Variants in SSTR4 observed in about 807,000 individuals in gnomAD.
SSTR4 encodes somatostatin receptor 4, also known as somatostatin receptor type 4.
For synonymous variants in SSTR4, 272 were observed against 246.3 expected (o/e 1.10, Z -0.98); for missense variants, 649 against 540.6 (o/e 1.20, Z -1.99).
At position 23,036,021 on chromosome 20, in the gene SSTR4, C is replaced by A. The variant is rs1356689634; in HGVS notation, c.538C>A (p.Pro180Thr). The A allele has an allele frequency of 6.3e-7, 1 of 1,592,222 alleles. No individual in the cohort carries two copies. The highest frequency in any genetic ancestry group is 8.5e-7 in the Non-Finnish European group (1 of 1,173,944). ...GCTGGCATCCCTGTTGGTCACTCTCCCCATCGCCATCTTCGCAGACACCAG... is the reference window on the plus strand; with the variant it reads ...GCTGGCATCCCTGTTGGTCACTCTCACCATCGCCATCTTCGCAGACACCAG... ...VWLASLLVTLPIAIFADTRPA... is the reference protein window; with the variant it reads ...VWLASLLVTLTIAIFADTRPA... The change falls in exon 1 of 1, where the codon CCC becomes ACC. Residue 180 changes from proline (P) to threonine (T), a missense_variant. Coordinates refer to ENST00000255008, the MANE Select transcript of SSTR4 (RefSeq NM_001052.4).
rs2235953 is a variant in SSTR4 at position 23,039,087 on chromosome 20, T to C, written c.*2437T>C. On this transcript the variant is annotated 3_prime_UTR_variant, in exon 1 of 1. Transcript: ENST00000255008. ...TACAGAAGACTGCAATGAATTGAAGTCATGAGACATACAGCCAGGATCCTG... is the reference window on the plus strand; with the variant it reads ...TACAGAAGACTGCAATGAATTGAAGCCATGAGACATACAGCCAGGATCCTG... 0.097 allele frequency: 14,839 copies of C among 152,208 alleles called. 852 individuals carry two copies. The highest frequency in any genetic ancestry group is 0.29 in the East Asian group (1,493 of 5,170). 9.4% of individuals were successfully genotyped at this position (152,208 alleles called of 1,614,324 possible).
rs1423836821 is a variant in SSTR4, at chr20:23,035,459, C to G, written c.-25C>G. On this transcript the variant is annotated 5_prime_UTR_variant, in exon 1 of 1. Transcript: ENST00000255008. The stretch of plus-strand genomic sequence containing the variant: ...GCAGCGCTAGCTCCGCCGCGCTCAG[C>G]TGCCCTGCGCCGGCACCCCTGGTCA... The G allele has an allele frequency of 7.0e-7, 1 of 1,420,746 alleles. No individual in the cohort carries two copies. The allele number at this position is 1,420,746 out of a possible 1,614,324, so 88.0% of individuals were successfully genotyped here.
At position 23,036,726 on chromosome 20, in the gene SSTR4, A is replaced by G; in HGVS notation, c.*76A>G. ...CCATTCCTACAGCCCCGAAGACTGC[A>G]TCTCCTGAATGCTCACCTAAGCTCC... On this transcript the variant is annotated 3_prime_UTR_variant, in exon 1 of 1. Coordinates refer to ENST00000255008, the MANE Select transcript of SSTR4 (RefSeq NM_001052.4). 5 of 1,461,396 alleles carry G rather than the reference A, an allele frequency of 3.4e-6. No homozygotes were observed. The highest frequency in any genetic ancestry group is 2.7e-5 in the South Asian group (2 of 73,654). 90.5% of individuals were successfully genotyped at this position (1,461,396 alleles called of 1,614,324 possible). A position where few individuals can be genotyped will look rare whatever the true frequency, so the allele number is the denominator to read the frequency against.
rs148709856 is a variant in SSTR4, at chr20:23,037,630, G to A, written c.*980G>A. Among the ~76,000 whole-genome samples the A allele has an allele frequency of 2.6e-5, 4 of 152,162 alleles. No individual in the cohort carries two copies. Among genetic ancestry groups the A allele is most frequent in the African/African-American group, 7.2e-5 (3 of 41,432 alleles). On this transcript the variant is annotated 3_prime_UTR_variant, in exon 1 of 1. Transcript: ENST00000255008. ...TGTAAGTTGAACACAATAAAAGGCC[G>A]TATCTTTGTTGCCTGATGTGTTAAC...
In SSTR4 at chr20:23,037,677, C is replaced by G. The variant is rs34014809; in HGVS notation, c.*1027C>G. Among the ~76,000 whole-genome samples the G allele has an allele frequency of 1.3e-5, 2 of 152,158 alleles. No individual in the cohort carries two copies. Among genetic ancestry groups the G allele is most frequent in the Admixed American group, 6.5e-5 (1 of 15,280 alleles). ...TAACCAAAGGATAAATTATCTTTCC[C>G]AAAGGGAAAGAGCTTAAGAGGAGCT... On this transcript the variant is annotated 3_prime_UTR_variant, in exon 1 of 1. Transcript: ENST00000255008.
Position 23,036,737 on chromosome 20 carries a change from G to A in SSTR4, c.*87G>A. 2.1e-6 allele frequency: 3 copies of A among 1,407,664 alleles called. No homozygotes were observed. The highest frequency in any genetic ancestry group is 2.9e-6 in the Non-Finnish European group (3 of 1,039,750). The allele number at this position is 1,407,664 out of a possible 1,614,324, so 87.2% of individuals were successfully genotyped here. Reference sequence around the variant, plus strand: ...GCCCCGAAGACTGCATCTCCTGAATGCTCACCTAAGCTCCACCACCTGTTC... The same window carrying A: ...GCCCCGAAGACTGCATCTCCTGAATACTCACCTAAGCTCCACCACCTGTTC... On this transcript the variant is annotated 3_prime_UTR_variant, in exon 1 of 1. Coordinates refer to ENST00000255008, the MANE Select transcript of SSTR4 (RefSeq NM_001052.4).
rs1341488310 is a variant in SSTR4, at chr20:23,035,538, T to G, written c.55T>G (p.Trp19Gly). The G allele has an allele frequency of 6.3e-7, 1 of 1,592,612 alleles. No homozygotes were observed. The highest frequency in any genetic ancestry group is 8.5e-7 in the Non-Finnish European group (1 of 1,172,294). ...PGGEEGLGTA[W>G]PSAANASSAP... is the part of the protein sequence containing the mutation. ...GGGCGAGGAAGGGCTGGGGACGGCC[T>G]GGCCCTCTGCAGCCAATGCCAGTAG... is the stretch of plus-strand genomic sequence containing the variant. Residue 19 changes from tryptophan to glycine, a missense_variant, in exon 1 of 1, where the codon TGG becomes GGG. Transcript: ENST00000255008.
In SSTR4 at chr20:23,037,103, A is replaced by C. The variant is rs1984351725; in HGVS notation, c.*453A>C. ...AGAGAGGAGGAAGGAAGATGCCCCC[A>C]GGCACCTGCCCTTTATGTCTCTTCC... On this transcript the variant is annotated 3_prime_UTR_variant, in exon 1 of 1. Transcript: ENST00000255008. Among the ~76,000 whole-genome samples the C allele has an allele frequency of 1.3e-5, 2 of 152,150 alleles. No homozygotes were observed. The highest frequency in any genetic ancestry group is 2.4e-5 in the African/African-American group (1 of 41,442).
Position 23,035,497 on chromosome 20 carries a change from C to T in SSTR4, c.14C>T (p.Ser5Leu). 1 of 1,546,824 alleles carries T rather than the reference C, an allele frequency of 6.5e-7. No individual in the cohort carries two copies. Among genetic ancestry groups the T allele is most frequent in the South Asian group, 1.2e-5 (1 of 84,672 alleles). MSAPSTLPPGGEEGL... is the reference protein window; with the variant it reads MSAPLTLPPGGEEGL... ...GCACCCCTGGTCATGAGCGCCCCCT[C>T]GACGCTGCCCCCCGGGGGCGAGGAA... The change falls in exon 1 of 1, where the codon TCG (serine) becomes TTG (leucine). Residue 5 changes from serine (S) to leucine (L), a missense_variant. Physicochemically the swap from Ser to Leu is moderately radical, Grantham distance 145. Transcript: ENST00000255008.
Position 23,036,279 on chromosome 20 carries a change from G to T in SSTR4, c.796G>T (p.Val266Phe), listed in dbSNP as rs763496655. 2.5e-6 allele frequency: 4 copies of T among 1,614,160 alleles called. No homozygotes were observed. In the South Asian group the frequency reaches 3.3e-5, roughly 13 times the overall value. Reference protein sequence around the residue: ...KITRLVLMVVVVFVLCWMPFY... With the variant: ...KITRLVLMVVFVFVLCWMPFY... Reference sequence around the variant, plus strand: ...CACCAGGCTGGTGCTGATGGTCGTGGTCGTCTTTGTGCTCTGCTGGATGCC... The same window carrying T: ...CACCAGGCTGGTGCTGATGGTCGTGTTCGTCTTTGTGCTCTGCTGGATGCC... Residue 266 changes from valine to phenylalanine, a missense_variant, in exon 1 of 1, where the codon GTC becomes TTC. Coordinates refer to ENST00000255008, the MANE Select transcript of SSTR4 (RefSeq NM_001052.4).
Position 23,036,523 on chromosome 20 carries a change from A to G in SSTR4, c.1040A>G (p.Tyr347Cys), listed in dbSNP as rs778922196. ...GCTGAGGAGGAGCCCCTGGACTACT[A>G]TGCCACTGCTCTCAAGAGCAAAGGT... ...GGAEEEPLDY[Y>C]ATALKSKGGA... The change falls in exon 1 of 1, where the codon TAT becomes TGT. Residue 347 changes from tyrosine to cysteine, a missense_variant. Coordinates refer to ENST00000255008, the MANE Select transcript of SSTR4 (RefSeq NM_001052.4). 6.2e-7 allele frequency: 1 copy of G among 1,613,688 alleles called. No homozygotes were observed. Among genetic ancestry groups the G allele is most frequent in the African/African-American group, 1.3e-5 (1 of 75,016 alleles).
Position 23,035,598 on chromosome 20 carries a change from C to G in SSTR4, c.115C>G (p.Pro39Ala). The G allele has an allele frequency of 6.4e-7, 1 of 1,556,652 alleles. No individual in the cohort carries two copies. The highest frequency in any genetic ancestry group is 1.4e-5 in the African/African-American group (1 of 72,276). The part of the protein sequence containing the change: ...PAEAEEAVAG[P>A]GDARAAGMVA... Reference sequence around the variant, plus strand: ...GGAGGCGGAGGAGGCGGTGGCGGGGCCCGGGGACGCGCGGGCGGCGGGCAT... The same window carrying G: ...GGAGGCGGAGGAGGCGGTGGCGGGGGCCGGGGACGCGCGGGCGGCGGGCAT... Residue 39 changes from proline to alanine, a missense_variant, in exon 1 of 1, where the codon CCC becomes GCC. Pro to Ala is a conservative substitution (Grantham distance 27). Transcript: ENST00000255008.
rs1984307114 is a variant in SSTR4 at position 23,036,074 on chromosome 20, C to T, written c.591C>T (p.Ala197=). Residue 197 remains alanine, a synonymous_variant, in exon 1 of 1, where the codon GCC becomes GCT. Transcript: ENST00000255008. ...CGGCTCGCGGCGGCCAGGCCGTGGC[C>T]TGCAACCTGCAGTGGCCACACCCGG... ...TRPARGGQAV[A]CNLQWPHPAW... 5.0e-6 allele frequency: 8 copies of T among 1,592,330 alleles called. No individual in the cohort carries two copies. Among genetic ancestry groups the T allele is most frequent in the Non-Finnish European group, 6.0e-6 (7 of 1,175,676 alleles).
At position 23,036,128 on chromosome 20, in the gene SSTR4, T is replaced by C; in HGVS notation, c.645T>C (p.Thr215=). 1 of 1,605,422 alleles carries C rather than the reference T, an allele frequency of 6.2e-7. No individual in the cohort carries two copies. The highest frequency in any genetic ancestry group is 8.5e-7 in the Non-Finnish European group (1 of 1,179,780). Residue 215 remains threonine, a synonymous_variant, in exon 1 of 1, where the codon ACT becomes ACC. Coordinates refer to ENST00000255008, the MANE Select transcript of SSTR4 (RefSeq NM_001052.4). ...GGTCGGCAGTCTTCGTGGTCTACAC[T>C]TTCCTGCTGGGCTTCCTGCTGCCCG... ...PAWSAVFVVY[T]FLLGFLLPVL...
rs1984346587 is a variant in SSTR4 at position 23,036,915 on chromosome 20, G to A, written c.*265G>A. ...ATTAATCATTCCTGAACCTCTGGCT[G>A]TTCTTCAAGGGCTGGGAAGCAGGAG... On this transcript the variant is annotated 3_prime_UTR_variant, in exon 1 of 1. Coordinates refer to ENST00000255008, the MANE Select transcript of SSTR4 (RefSeq NM_001052.4). 3 of 427,552 alleles carry A rather than the reference G, an allele frequency of 7.0e-6. No homozygotes were observed. Among genetic ancestry groups the A allele is most frequent in the Non-Finnish European group, 1.2e-5 (3 of 243,170 alleles). The allele number at this position is 427,552 out of a possible 1,614,324, so 26.5% of individuals were successfully genotyped here.
At position 23,035,944 on chromosome 20, in the gene SSTR4, C is replaced by T. The variant is rs745839410; in HGVS notation, c.461C>T (p.Ala154Val). 38 of 1,610,806 alleles carry T rather than the reference C, an allele frequency of 2.4e-5. 1 individual carries two copies. The Admixed American group carries it at 4.0e-4, about 17-fold the overall frequency. Residue 154 changes from alanine (A) to valine (V), a missense_variant, in exon 1 of 1, where the codon GCG (alanine) becomes GTG (valine). Ala to Val is a moderately conservative substitution (Grantham distance 64, BLOSUM62 0). Transcript: ENST00000255008. ...GTGGCCGTGGTGCACCCTCTGCGCG[C>T]GGCGACCTACCGGCGGCCCAGCGTG... ...RYVAVVHPLR[A>V]ATYRRPSVAK...
chr20:23,037,627 G>C lies in SSTR4; in HGVS notation c.*977G>C, dbSNP rs879585697. 3.9e-5 allele frequency among the ~76,000 whole-genome samples: 6 copies of C among 152,182 alleles called. No individual in the cohort carries two copies. The highest frequency in any genetic ancestry group is 1.2e-4 in the African/African-American group (5 of 41,444). ...ACATGTAAGTTGAACACAATAAAAG[G>C]CCGTATCTTTGTTGCCTGATGTGTT... On this transcript the variant is annotated 3_prime_UTR_variant, in exon 1 of 1. Transcript: ENST00000255008.
rs1283587909 is a variant in SSTR4 at position 23,035,627 on chromosome 20, C to A, written c.144C>A (p.Val48=). ...GGGACGCGCGGGCGGCGGGCATGGT[C>A]GCTATCCAGTGCATCTACGCGCTGG... The part of the protein sequence containing the change: ...GPGDARAAGM[V]AIQCIYALVC... Residue 48 remains valine (V), a synonymous_variant, in exon 1 of 1, where the codon GTC becomes GTA. Transcript: ENST00000255008. 2.6e-6 allele frequency: 4 copies of A among 1,545,370 alleles called. No homozygotes were observed. The highest frequency in any genetic ancestry group is 3.5e-6 in the Non-Finnish European group (4 of 1,149,746).
chr20:23,036,162 A>T lies in SSTR4; in HGVS notation c.679A>T (p.Ile227Phe). 6.2e-7 allele frequency: 1 copy of T among 1,609,856 alleles called. No homozygotes were observed. The highest frequency in any genetic ancestry group is 8.5e-7 in the Non-Finnish European group (1 of 1,179,772). The change falls in exon 1 of 1, where the codon ATT (isoleucine) becomes TTT (phenylalanine). Residue 227 changes from isoleucine (I) to phenylalanine (F), a missense_variant. Ile to Phe is a conservative substitution (Grantham distance 21, BLOSUM62 0). Coordinates refer to ENST00000255008, the MANE Select transcript of SSTR4 (RefSeq NM_001052.4). ...LLGFLLPVLA[I>F]GLCYLLIVGK... Reference sequence around the variant, plus strand: ...GGGCTTCCTGCTGCCCGTGCTGGCCATTGGCCTGTGCTACCTGCTCATCGT... The same window carrying T: ...GGGCTTCCTGCTGCCCGTGCTGGCCTTTGGCCTGTGCTACCTGCTCATCGT...
Sources: gnomAD v4.1 joint callset for allele counts (sites outside exome capture counted in the v4.1 genomes callset) on GRCh38, gnomAD v4.1.1 for gene constraint, MANE v1.5 for transcripts, NCBI Gene and HGNC (gene_info 2026-07-23, HGNC 2026-07-21) for gene names.